Variants in PRIMA1 observed in about 807,000 individuals in gnomAD.
PRIMA1 encodes the protein proline rich membrane anchor 1, also known as proline-rich membrane anchor 1.
A neutral mutation model predicts 17.5 loss-of-function variants in PRIMA1; 7 were observed. The observed-to-expected ratio is 0.40, with a 90% CI of 0.23 to 0.75. The LOEUF is 0.75. PRIMA1 is among the 30% of genes least tolerant of loss of function. The pLI is 0.37. For synonymous variants in PRIMA1, 97 were observed against 77.9 expected (o/e 1.25, Z -1.29); for missense variants, 200 against 201.8 (o/e 0.99, Z 0.05).
chr14:93,765,685 C>T (rs923255307), intron 3 of PRIMA1, among the ~76,000 whole-genome samples: 4 of 151,996 alleles, frequency 2.6e-5, no homozygotes, highest in Non-Finnish European at 1.5e-5. Flanking sequence ...GAATCAGGAC[C>T]GTGGGAATAA....
At chr14:93,785,359 T>C (rs1402527532) in intron 2 of PRIMA1, among the ~76,000 whole-genome samples, 1 of 152,186 alleles carries the variant, frequency 6.6e-6, no homozygotes, top group Non-Finnish European at 1.5e-5. Context: ...TGATTAAGTT[T>C]CTTATCAACT....
At chr14:93,769,189 G>A (rs1158894527) in intron 3 of PRIMA1, among the ~76,000 whole-genome samples, 1 of 152,202 alleles carries the variant, frequency 6.6e-6, no homozygotes. Context: ...GGCCAGTTTG[G>A]ATAAGAACTT....
At chr14:93,735,877 C>T (rs946117381) in intron 4 of PRIMA1, among the ~76,000 whole-genome samples, 13 of 151,960 alleles carry the variant, frequency 8.6e-5, no homozygotes, top group South Asian at 2.1e-4. Context: ...TTAGTAGAGA[C>T]GGGGTTTCAC....
chr14:93,752,282 G>A (rs2076264462), intron 3 of PRIMA1, among the ~76,000 whole-genome samples: 1 of 152,172 alleles, frequency 6.6e-6, no homozygotes, highest in African/African-American at 2.4e-5. Flanking sequence ...GGGTTCCGAA[G>A]GTCAAAGAAG....
chr14:93,725,842 C>T (rs777829426), intron 4 of PRIMA1: 14 of 426,466 alleles, frequency 3.3e-5, no homozygotes, highest in Non-Finnish European at 5.7e-5. Flanking sequence ...CTACCTAACG[C>T]GTGCCCCGTG....
In PRIMA1 at chr14:93,726,540, AT is replaced by A. The variant is rs2076077271; in HGVS notation, c.360-4995del. On this transcript the variant is annotated intron_variant, in intron 4 of 4. Coordinates refer to ENST00000393140, the MANE Select transcript of PRIMA1 (RefSeq NM_178013.4). This position sits in a 1 kb window ranked among gnomAD's most constrained non-coding sequence, Gnocchi z 4.2. ...CACACAGGCACGTACACATAGACAC[AT>A]GTACACATGCACAAATCCACATACA... Among the ~76,000 whole-genome samples the A allele has an allele frequency of 1.3e-5, 2 of 152,034 alleles. No homozygotes were observed. The highest frequency in any genetic ancestry group is 4.8e-5 in the African/African-American group (2 of 41,376).
At chr14:93,731,649 T>C (rs1242246846) in intron 4 of PRIMA1, among the ~76,000 whole-genome samples, 8 of 152,202 alleles carry the variant, frequency 5.3e-5, no homozygotes, top group Non-Finnish European at 1.2e-4. Context: ...CCCATTAACC[T>C]GTATTTTTTT....
intron 2 of PRIMA1, among the ~76,000 whole-genome samples, chr14:93,780,035 C>A (rs557133638): frequency 4.6e-5 from 7 of 152,238 alleles, no homozygotes; most frequent in African/African-American, 1.7e-4. Context: ...AGGGGCGATC[C>A]CTGACAACCT....
At chr14:93,746,973 T>C (rs1334568893) in intron 3 of PRIMA1, among the ~76,000 whole-genome samples, 1 of 152,100 alleles carries the variant, frequency 6.6e-6, no homozygotes, top group East Asian at 1.9e-4. Flanking sequence ...TCTGAAATTG[T>C]CACACACCAC....
chr14:93,742,106 G>C (rs2076187702), intron 3 of PRIMA1, among the ~76,000 whole-genome samples: 1 of 152,162 alleles, frequency 6.6e-6, no homozygotes, highest in Non-Finnish European at 1.5e-5. Flanking sequence ...TGGAGTAACA[G>C]GGGCCAGATC....
At chr14:93,744,159 C>A (rs1252646749) in intron 3 of PRIMA1, among the ~76,000 whole-genome samples, 1 of 152,246 alleles carries the variant, frequency 6.6e-6, no homozygotes, top group South Asian at 2.1e-4. Flanking sequence ...CTCTCAGCCT[C>A]ATTTATGAAC....
At chr14:93,784,202 C>T (rs1885459323) in intron 2 of PRIMA1, among the ~76,000 whole-genome samples, 1 of 152,214 alleles carries the variant, frequency 6.6e-6, no homozygotes, top group Non-Finnish European at 1.5e-5. Context: ...ATTTGTAGTT[C>T]ATTTGAAATT....
intron 2 of PRIMA1, among the ~76,000 whole-genome samples, chr14:93,784,546 A>G (rs1351712740): frequency 6.6e-6 from 1 of 152,226 alleles, no homozygotes; most frequent in African/African-American, 2.4e-5. Flanking sequence ...TGACATCCAT[A>G]GCCCTCAGGA....
At chr14:93,770,248 C>T (rs145541698) in intron 3 of PRIMA1, among the ~76,000 whole-genome samples, 33 of 152,362 alleles carry the variant, frequency 2.2e-4, no homozygotes, top group African/African-American at 7.2e-4. Context: ...CCCTTCCTTC[C>T]ACTCTCCAGA....
intron 3 of PRIMA1, among the ~76,000 whole-genome samples, chr14:93,778,013 C>G (rs1416408040): frequency 6.6e-6 from 1 of 152,190 alleles, no homozygotes; most frequent in Non-Finnish European, 1.5e-5. Flanking sequence ...GGGATTCTTT[C>G]AGGAGAGAGG....
At chr14:93,765,600 C>T (rs1472226068) in intron 3 of PRIMA1, among the ~76,000 whole-genome samples, 2 of 151,946 alleles carry the variant, frequency 1.3e-5, no homozygotes, top group Non-Finnish European at 2.9e-5. Flanking sequence ...CTTTCTGAGG[C>T]CACACAGCTA....
intron 2 of PRIMA1, among the ~76,000 whole-genome samples, chr14:93,786,511 G>A (rs1885526431): frequency 6.6e-6 from 1 of 152,128 alleles, no homozygotes; most frequent in Admixed American, 6.5e-5. Context: ...CGGTAGACTG[G>A]CAAGTGGTCT....
rs777499565 is a variant in PRIMA1 at position 93,719,242 on chromosome 14, G to C, written c.*2202C>G. ...ATACAGGCCCCAAAACGTGGTGATG[G>C]CTCAGCTGATTCCTCACCAGGGAGC... On this transcript the variant is annotated 3_prime_UTR_variant, in exon 5 of 5. Coordinates refer to ENST00000393140, the MANE Select transcript of PRIMA1 (RefSeq NM_178013.4). The C allele has an allele frequency of 6.6e-6, 1 of 152,196 alleles. No homozygotes were observed. Among genetic ancestry groups the C allele is most frequent in the African/African-American group, 2.4e-5 (1 of 41,416 alleles). 9.4% of individuals were successfully genotyped at this position (152,196 alleles called of 1,614,324 possible).
chr14:93,783,687 C>G (rs1365072732), intron 2 of PRIMA1, among the ~76,000 whole-genome samples: 5 of 152,224 alleles, frequency 3.3e-5, no homozygotes, highest in Non-Finnish European at 5.9e-5. Flanking sequence ...CTTCTTATTC[C>G]CATTTCACAA....
Sources: gnomAD v4.1 joint callset for allele counts (sites outside exome capture counted in the v4.1 genomes callset) on GRCh38, gnomAD v4.1.1 for gene constraint, Gnocchi (gnomAD v3.1) non-coding constraint, MANE v1.5 for transcripts, NCBI Gene and HGNC (gene_info 2026-07-23, HGNC 2026-07-21) for gene names.